The following CTNNA2 variants were observed in gnomAD, a reference collection of about 807,000 sequenced individuals.
CTNNA2 encodes the protein catenin alpha-2.
CTNNA2 carries 42 observed loss-of-function variants against 101.0 expected under a neutral mutation model. The ratio of observed to expected loss-of-function variants is 0.42; its 90% CI spans 0.32 to 0.54. The LOEUF (loss-of-function observed/expected upper bound fraction) is 0.54. Among genes scored for constraint, CTNNA2 ranks in the 20% least tolerant of loss-of-function variants. The pLI is 0.14. For synonymous variants in CTNNA2, 450 were observed against 456.4 expected, an observed-to-expected ratio of 0.99 and a Z score of 0.18; for missense variants, 871 against 1,223.1, an observed-to-expected ratio of 0.71 and a Z score of 4.29.
At chr2:80,524,389 C>T (rs1174020782) in intron 9 of CTNNA2, among the ~76,000 whole-genome samples, 3 of 152,184 alleles carry the variant, frequency 2.0e-5, no homozygotes, top group Non-Finnish European at 4.4e-5. Flanking sequence ...TGCTCTTTCT[C>T]ATTTTCTTCT....
chr2:80,427,409 C>G (rs1474001100), intron 9 of CTNNA2, among the ~76,000 whole-genome samples: 1 of 152,158 alleles, frequency 6.6e-6, no homozygotes, highest in Non-Finnish European at 1.5e-5. Context: ...AAGAGGCTCC[C>G]AAAGTTGTGT....
At chr2:80,003,590 T>C (rs1693116158) in intron 7 of CTNNA2, among the ~76,000 whole-genome samples, 1 of 152,030 alleles carries the variant, frequency 6.6e-6, no homozygotes, top group Non-Finnish European at 1.5e-5. Context: ...TGTCCTCACC[T>C]CTTAGTTGTC....
intron 2 of CTNNA2, chr2:79,697,967 C>G (rs934668115): frequency 2.6e-5 from 4 of 151,920 alleles, no homozygotes; most frequent in African/African-American, 4.8e-5. Context: ...AATGACAAAA[C>G]CATTCAACAT....
At chr2:80,595,208 T>C (rs1696848568) in intron 15 of CTNNA2, among the ~76,000 whole-genome samples, 1 of 152,192 alleles carries the variant, frequency 6.6e-6, no homozygotes. Flanking sequence ...TCTGACTCCA[T>C]GGTTAAGCTT....
intron 1 of CTNNA2, among the ~76,000 whole-genome samples, chr2:79,610,219 T>TAC (rs1450872530): frequency 6.6e-6 from 1 of 152,146 alleles, no homozygotes; most frequent in Non-Finnish European, 1.5e-5. Flanking sequence ...CTTAATGTGA[T>TAC]ACACACTATT....
At chr2:79,282,293 C>T (rs1244193772) in intron 2 of CTNNA2, among the ~76,000 whole-genome samples, 1 of 151,584 alleles carries the variant, frequency 6.6e-6, no homozygotes, top group African/African-American at 2.4e-5. Context: ...TTTTAGGGTA[C>T]CTGTGCACAA....
At chr2:80,644,039 A>G (rs1047766574) in intron 18 of CTNNA2, among the ~76,000 whole-genome samples, 1 of 152,166 alleles carries the variant, frequency 6.6e-6, no homozygotes, top group African/African-American at 2.4e-5. Context: ...CATTTTGGAT[A>G]GGCAATAACT....
At chr2:80,078,715 C>CT (rs1558786786) in intron 7 of CTNNA2, among the ~76,000 whole-genome samples, 1 of 152,086 alleles carries the variant, frequency 6.6e-6, no homozygotes, top group East Asian at 1.9e-4. Context: ...TCTGGTGCTG[C>CT]TTTTTTGTTT....
intron 4 of CTNNA2, among the ~76,000 whole-genome samples, chr2:79,868,837 T>C (rs1485025824): frequency 6.6e-6 from 1 of 152,226 alleles, no homozygotes; most frequent in African/African-American, 2.4e-5. Context: ...CATGTCTGTC[T>C]TGTGCTTTAT....
chr2:80,069,278 C>G (rs1407888428), intron 7 of CTNNA2, among the ~76,000 whole-genome samples: 1 of 152,172 alleles, frequency 6.6e-6, no homozygotes, highest in Admixed American at 6.5e-5. Context: ...ACTACCGATT[C>G]AAATGCTAAT....
intron 4 of CTNNA2, among the ~76,000 whole-genome samples, chr2:79,402,093 C>A (rs1049024851): frequency 6.6e-6 from 1 of 151,642 alleles, no homozygotes; most frequent in African/African-American, 2.4e-5. Flanking sequence ...ATAAAATAGT[C>A]TATTATTTAA....
chr2:79,692,199 A>G (rs1222883478), intron 2 of CTNNA2, among the ~76,000 whole-genome samples: 1 of 152,166 alleles, frequency 6.6e-6, no homozygotes, highest in Non-Finnish European at 1.5e-5. Flanking sequence ...CACATCAAAA[A>G]GTGGGTGAAG....
chr2:80,170,221 CTCTCTCTCTCTGTGTG>C (rs1463966595), intron 7 of CTNNA2, among the ~76,000 whole-genome samples: 18 of 151,070 alleles, frequency 1.2e-4, no homozygotes, highest in African/African-American at 4.2e-4. Flanking sequence ...CTCTCTCTCT[CTCTCTCTCTCTGTGTG>C]TGTGTGTGTG....
chr2:80,555,159 A>ATTCG, intron 11 of CTNNA2, among the ~76,000 whole-genome samples: 1 of 152,218 alleles, frequency 6.6e-6, no homozygotes, highest in East Asian at 1.9e-4. Flanking sequence ...ACTGCGTGAT[A>ATTCG]TTTATTTTTC....
At chr2:79,195,803 G>A (rs777378107) in intron 1 of CTNNA2, 6 of 513,588 alleles carry the variant, frequency 1.2e-5, no homozygotes, top group Non-Finnish European at 2.3e-5. Flanking sequence ...CACAAAGCAA[G>A]GCCCGGCATA....
At chr2:79,367,331 T>C (rs539876617) in intron 3 of CTNNA2, among the ~76,000 whole-genome samples, 1 of 152,292 alleles carries the variant, frequency 6.6e-6, no homozygotes, top group East Asian at 1.9e-4. Flanking sequence ...TTTGTTATAG[T>C]AGTCCTAGCA....
At chr2:79,803,773 T>C (rs1427916111) in intron 3 of CTNNA2, among the ~76,000 whole-genome samples, 2 of 152,256 alleles carry the variant, frequency 1.3e-5, no homozygotes, top group Non-Finnish European at 2.9e-5. Context: ...TAGAATTCAT[T>C]TGGTCTGCTG....
At chr2:79,543,003 T>G (rs925884288) in intron 1 of CTNNA2, among the ~76,000 whole-genome samples, 1 of 152,176 alleles carries the variant, frequency 6.6e-6, no homozygotes, top group Non-Finnish European at 1.5e-5. Context: ...TCATGTGTTT[T>G]TAAAATTTCA....
chr2:80,102,344 T>A (rs1700596390), intron 7 of CTNNA2, among the ~76,000 whole-genome samples: 1 of 152,172 alleles, frequency 6.6e-6, no homozygotes, highest in Admixed American at 6.5e-5. Context: ...GCCAGACTCA[T>A]CTTCTCCAAA....
Sources: gnomAD v4.1 joint callset for allele counts (sites outside exome capture counted in the v4.1 genomes callset) on GRCh38, gnomAD v4.1.1 for gene constraint, MANE v1.5 for transcripts, NCBI Gene and HGNC (gene_info 2026-07-23, HGNC 2026-07-21) for gene names.